Variants in NELL1 observed in about 807,000 individuals in gnomAD.
The protein encoded by NELL1 is neural EGFL like 1, also known as protein kinase C-binding protein NELL1.
Under a neutral mutation model 107.4 loss-of-function variants are expected in NELL1, and 76 were observed. The ratio of observed to expected loss-of-function variants is 0.71; its 90% CI spans 0.59 to 0.86. The LOEUF (loss-of-function observed/expected upper bound fraction) is 0.86. Ranked by LOEUF, NELL1 falls within the 40% of genes least tolerant of loss-of-function variation. The probability of loss-of-function intolerance (pLI) is 0.00; values close to 1 mark genes in which losing one functional copy is unlikely to be tolerated. For missense variants in NELL1, 1,024 were observed against 1,005.5 expected, an observed-to-expected ratio of 1.02 and a Z score of -0.25; for synonymous variants, 353 against 341.2, an observed-to-expected ratio of 1.03 and a Z score of -0.38.
chr11:20,734,454 C>T (rs141167857), intron 2 of NELL1, among the ~76,000 whole-genome samples: 15 of 151,970 alleles, frequency 9.9e-5, no homozygotes, highest in East Asian at 1.9e-4. Flanking sequence ...ATGATGGCTC[C>T]GATGAGGATC....
In NELL1 at chr11:21,387,337, A is replaced by G. The variant is rs569142122; in HGVS notation, c.1645+16389A>G. On this transcript the variant is annotated intron_variant, in intron 15 of 19. Coordinates refer to ENST00000357134, the MANE Select transcript of NELL1 (RefSeq NM_006157.5). Reference sequence around the variant, plus strand: ...AAGACACTAAAAGTATCACTAATCTATCTTGTGTATTGTCTCTTCCTCCCA... The same window carrying G: ...AAGACACTAAAAGTATCACTAATCTGTCTTGTGTATTGTCTCTTCCTCCCA... Among the ~76,000 whole-genome samples the G allele has an allele frequency of 2.6e-5, 4 of 151,812 alleles. No individual in the cohort carries two copies. In the South Asian group the frequency reaches 6.2e-4, roughly 24 times the overall value.
intron 2 of NELL1, among the ~76,000 whole-genome samples, chr11:20,695,590 C>T (rs1309165442): frequency 6.6e-6 from 1 of 152,002 alleles, no homozygotes; most frequent in Non-Finnish European, 1.5e-5. Flanking sequence ...TGGTGAATGA[C>T]ATTTATTGAT....
chr11:21,312,875 A>G (rs1304497677), intron 14 of NELL1, among the ~76,000 whole-genome samples: 4 of 151,912 alleles, frequency 2.6e-5, no homozygotes, highest in African/African-American at 9.7e-5. Flanking sequence ...CCTCTTACTC[A>G]CCTCTCAGAG....
At chr11:21,494,980 G>A (rs1854939141) in intron 15 of NELL1, among the ~76,000 whole-genome samples, 1 of 151,858 alleles carries the variant, frequency 6.6e-6, no homozygotes, top group Non-Finnish European at 1.5e-5. Flanking sequence ...GTATTCTTCT[G>A]TTTAAAAACT....
intron 2 of NELL1, among the ~76,000 whole-genome samples, chr11:20,764,028 T>C (rs1590271986): frequency 6.6e-6 from 1 of 152,240 alleles, no homozygotes; most frequent in African/African-American, 2.4e-5. Context: ...ACTGCACTGT[T>C]GCCTGTGGGA....
chr11:20,805,413 G>A (rs1214802479), intron 3 of NELL1, among the ~76,000 whole-genome samples: 1 of 151,838 alleles, frequency 6.6e-6, no homozygotes, highest in African/African-American at 2.4e-5. Context: ...TTTAGTGAAG[G>A]TGGTTTTCTC....
intron 13 of NELL1, among the ~76,000 whole-genome samples, chr11:21,146,091 GATA>G (rs1466110708): frequency 4.6e-5 from 7 of 152,258 alleles, no homozygotes; most frequent in African/African-American, 1.7e-4. Flanking sequence ...GTAAAATGGT[GATA>G]ATAATATTTA....
At chr11:21,445,063 A>G (rs966976616) in intron 15 of NELL1, among the ~76,000 whole-genome samples, 3 of 152,180 alleles carry the variant, frequency 2.0e-5, no homozygotes, top group Non-Finnish European at 4.4e-5. Context: ...ATAAATGTCT[A>G]TACTTTGTCT....
chr11:20,812,194 T>C (rs1054776900), intron 3 of NELL1, among the ~76,000 whole-genome samples: 2 of 152,194 alleles, frequency 1.3e-5, no homozygotes, highest in African/African-American at 4.8e-5. Flanking sequence ...ATTGAGATGA[T>C]CATATTTTTT....
At chr11:21,540,192 G>T (rs947601165) in intron 16 of NELL1, among the ~76,000 whole-genome samples, 3 of 152,000 alleles carry the variant, frequency 2.0e-5, no homozygotes, top group African/African-American at 7.2e-5. Context: ...GGAAAAATAC[G>T]AGTCCTGTTT....
intron 14 of NELL1, among the ~76,000 whole-genome samples, chr11:21,328,271 G>C (rs1233233861): frequency 6.6e-6 from 1 of 151,520 alleles, no homozygotes; most frequent in Non-Finnish European, 1.5e-5. Flanking sequence ...GTTGTAGCCA[G>C]GGCTAAAAGG....
intron 3 of NELL1, among the ~76,000 whole-genome samples, chr11:20,794,495 G>T (rs1032235327): frequency 5.9e-5 from 9 of 152,190 alleles, no homozygotes; most frequent in Admixed American, 1.3e-4. Flanking sequence ...ACCAGACAAA[G>T]GTATTGCCCT....
At chr11:21,079,935 A>G (rs1854226562) in intron 12 of NELL1, among the ~76,000 whole-genome samples, 2 of 152,026 alleles carry the variant, frequency 1.3e-5, no homozygotes, top group Admixed American at 1.3e-4. Context: ...TTTGAAAGTG[A>G]TTTCTGGATG....
At chr11:21,336,728 A>G (rs974026133) in intron 14 of NELL1, among the ~76,000 whole-genome samples, 17 of 150,586 alleles carry the variant, frequency 1.1e-4, no homozygotes, top group African/African-American at 3.7e-4. Context: ...TTGTATTTGA[A>G]CTCTTCTTTT....
At chr11:21,433,938 G>A (rs967411641) in intron 15 of NELL1, among the ~76,000 whole-genome samples, 2 of 152,076 alleles carry the variant, frequency 1.3e-5, no homozygotes, top group Non-Finnish European at 2.9e-5. Context: ...GCCTCCCAAA[G>A]TGCTGAGATT....
intron 2 of NELL1, among the ~76,000 whole-genome samples, chr11:20,717,052 G>A (rs1160417045): frequency 1.3e-5 from 2 of 152,144 alleles, no homozygotes; most frequent in African/African-American, 2.4e-5. Flanking sequence ...AACTTGGCTT[G>A]GTTCAGATTT....
chr11:20,744,429 TC>T lies in NELL1; in HGVS notation c.185-39250del, dbSNP rs550891783. On this transcript the variant is annotated intron_variant, in intron 2 of 19. Transcript: ENST00000357134. ...CAGCTATTGCTGTATAACACACTACTCTAAAACTCAGGAGCATACATTGGTA... is the reference window on the plus strand; with the variant it reads ...CAGCTATTGCTGTATAACACACTACTTAAAACTCAGGAGCATACATTGGTA... 3.7e-3 allele frequency among the ~76,000 whole-genome samples: 560 copies of T among 152,348 alleles called. 2 individuals carry two copies. Among genetic ancestry groups the T allele is most frequent in the African/African-American group, 0.013 (539 of 41,594 alleles).
At chr11:20,760,304 T>A (rs1256230198) in intron 2 of NELL1, among the ~76,000 whole-genome samples, 1 of 152,210 alleles carries the variant, frequency 6.6e-6, no homozygotes. Flanking sequence ...TGTTCTCAAG[T>A]GTGTTTAACT....
chr11:20,736,281 G>A (rs1417957076), intron 2 of NELL1, among the ~76,000 whole-genome samples: 1 of 152,098 alleles, frequency 6.6e-6, no homozygotes, highest in Non-Finnish European at 1.5e-5. Context: ...CAGGTGAGAG[G>A]GCAGGGCAGG....
Sources: allele counts gnomAD v4.1 joint callset (sites outside exome capture counted in the v4.1 genomes callset), GRCh38; gene constraint gnomAD v4.1.1; transcripts MANE v1.5; gene names NCBI Gene and HGNC (gene_info 2026-07-23, HGNC 2026-07-21).